SCAPER: variants seen among roughly 807,000 people sequenced by gnomAD.
The protein encoded by SCAPER is S-phase cyclin A associated protein in the ER.
Under a neutral mutation model 182.2 loss-of-function variants are expected in SCAPER, and 98 were observed. The ratio of observed to expected loss-of-function variants is 0.54; its 90% CI spans 0.46 to 0.64. SCAPER has a LOEUF of 0.64. SCAPER is among the 30% of genes least tolerant of loss of function. SCAPER has a pLI of 0.00. For missense variants in SCAPER, 1,432 were observed against 1,690.0 expected (o/e 0.85, Z 2.68); for synonymous variants, 605 against 564.6 (o/e 1.07, Z -1.01).
intron 27 of SCAPER, among the ~76,000 whole-genome samples, chr15:76,387,316 C>T (rs903991997): frequency 6.6e-6 from 1 of 152,170 alleles, no homozygotes; most frequent in Admixed American, 6.5e-5. Flanking sequence ...ACAGTGGAGA[C>T]AGTGGATTGG....
At chr15:76,776,023 C>T (rs929956151) in intron 8 of SCAPER, among the ~76,000 whole-genome samples, 2 of 152,046 alleles carry the variant, frequency 1.3e-5, no homozygotes, top group African/African-American at 4.8e-5. Context: ...TCGGGCCCTC[C>T]ATCTTACAAT....
intron 22 of SCAPER, among the ~76,000 whole-genome samples, chr15:76,615,035 T>C (rs2083762): frequency 0.46 from 69,825 of 151,954 alleles, 17,766 homozygotes; most frequent in Middle Eastern, 0.63. Flanking sequence ...GACCACTTCC[T>C]AGAAACCCAA....
chr15:76,808,003 A>T (rs895741698), intron 5 of SCAPER, among the ~76,000 whole-genome samples: 3 of 152,152 alleles, frequency 2.0e-5, no homozygotes, highest in African/African-American at 7.2e-5. Context: ...AGAATTTTAG[A>T]TACCTACATC....
intron 30 of SCAPER, among the ~76,000 whole-genome samples, chr15:76,352,744 C>A (rs1441816785): frequency 3.9e-5 from 6 of 152,054 alleles, no homozygotes; most frequent in African/African-American, 1.5e-4. Flanking sequence ...GCCACCACAC[C>A]TGGTCCATAA....
At chr15:76,805,100 C>A (rs940511536) in intron 5 of SCAPER, among the ~76,000 whole-genome samples, 2 of 152,056 alleles carry the variant, frequency 1.3e-5, no homozygotes, top group African/African-American at 4.8e-5. Context: ...CACCTGGTAG[C>A]GTGTATCAGT....
At chr15:76,460,488 T>C (rs960723416) in intron 25 of SCAPER, among the ~76,000 whole-genome samples, 1 of 152,166 alleles carries the variant, frequency 6.6e-6, no homozygotes, top group African/African-American at 2.4e-5. Context: ...TATAAGATCA[T>C]GCCAACTGCA....
Position 76,829,024 on chromosome 15 carries a change from C to A in SCAPER, c.393+12710G>T, listed in dbSNP as rs563533333. Among the ~76,000 whole-genome samples, 64 of 152,234 alleles carry A rather than the reference C, an allele frequency of 4.2e-4. No individual in the cohort carries two copies. The South Asian group carries it at 0.013, about 31-fold the overall frequency. On this transcript the variant is annotated intron_variant, in intron 5 of 31. Coordinates refer to ENST00000563290, the MANE Select transcript of SCAPER (RefSeq NM_020843.4). ...ATGCACATGCATGTTTATAGCAGCA[C>A]AATTCACAATTTCAAAAATTTGAAA...
chr15:76,905,146 C>G (rs575897662), intron 1 of SCAPER, 153 bp downstream of exon 1: 1 of 156,004 alleles, frequency 6.4e-6, no homozygotes, highest in Non-Finnish European at 1.5e-5. Flanking sequence ...ATCCCTGCCC[C>G]GCTCAACTCG....
chr15:76,789,238 A>G (rs1333969180), intron 8 of SCAPER, among the ~76,000 whole-genome samples: 1 of 152,176 alleles, frequency 6.6e-6, no homozygotes, highest in Non-Finnish European at 1.5e-5. Flanking sequence ...TATAATGTAA[A>G]TTAAAACAAA....
Position 76,504,863 on chromosome 15 carries a change from G to A in SCAPER, c.2950C>T (p.Pro984Ser). 1.2e-6 allele frequency: 2 copies of A among 1,605,138 alleles called. No homozygotes were observed. Among genetic ancestry groups the A allele is most frequent in the South Asian group, 2.2e-5 (2 of 88,968 alleles). Reference protein sequence around the residue: ...TNVNTVLRIPPKSLCNAINVY... With the variant: ...TNVNTVLRIPSKSLCNAINVY... ...AGATTAAGAAACTATACTTACTTAG[G>A]AGGAATTCTTAAAACTGTGTTCACA... Residue 984 changes from proline (P) to serine (S), a missense_variant, in exon 24 of 32, where the codon CCT (proline) becomes TCT (serine). By Grantham distance (74) the Pro-to-Ser change is moderately conservative. Around this residue, in one of 5 missense-constraint regions of SCAPER, gnomAD observed 718 missense variants for 799.7 expected, o/e 0.90. Coordinates refer to ENST00000563290, the MANE Select transcript of SCAPER (RefSeq NM_020843.4).
chr15:76,575,108 G>A (rs893300879), intron 22 of SCAPER, among the ~76,000 whole-genome samples: 4 of 152,046 alleles, frequency 2.6e-5, no homozygotes, highest in Admixed American at 6.6e-5. Flanking sequence ...AACCCCAGCC[G>A]TGGTAATAAT....
At chr15:76,503,841 G>T (rs932080423) in intron 24 of SCAPER, among the ~76,000 whole-genome samples, 1 of 151,484 alleles carries the variant, frequency 6.6e-6, no homozygotes, top group African/African-American at 2.4e-5. Context: ...CATACTCTTG[G>T]AATTTTTTTT....
intron 27 of SCAPER, among the ~76,000 whole-genome samples, chr15:76,392,444 A>G (rs2043761514): frequency 6.6e-6 from 1 of 152,148 alleles, no homozygotes; most frequent in Non-Finnish European, 1.5e-5. Context: ...TTGAAAACCT[A>G]AAGAACCAGG....
At chr15:76,627,353 C>CT (rs2052681585) in intron 21 of SCAPER, among the ~76,000 whole-genome samples, 1 of 151,974 alleles carries the variant, frequency 6.6e-6, no homozygotes, top group Admixed American at 6.6e-5. Flanking sequence ...ATCCATGAAT[C>CT]TTTTTTTCCA....
intron 24 of SCAPER, among the ~76,000 whole-genome samples, chr15:76,484,943 A>G (rs1034787184): frequency 2.6e-5 from 4 of 152,196 alleles, no homozygotes; most frequent in African/African-American, 9.7e-5. Context: ...ACCCACAGCC[A>G]TCATACTGAA....
intron 5 of SCAPER, among the ~76,000 whole-genome samples, chr15:76,822,542 A>G (rs571114272): frequency 2.6e-5 from 4 of 152,326 alleles, no homozygotes; most frequent in Admixed American, 1.3e-4. Context: ...TTCCAAAGAT[A>G]AATTTTAAAT....
At chr15:76,541,114 C>T (rs1384502226) in intron 23 of SCAPER, among the ~76,000 whole-genome samples, 2 of 149,812 alleles carry the variant, frequency 1.3e-5, no homozygotes, top group East Asian at 1.9e-4. Flanking sequence ...GGCAAGACTC[C>T]GTCTCAAAAA....
chr15:76,359,013 G>C (rs145596780), intron 29 of SCAPER, among the ~76,000 whole-genome samples: 2,095 of 152,336 alleles, frequency 0.014, 22 homozygotes, highest in Non-Finnish European at 0.022. Flanking sequence ...TATAAAATGA[G>C]GGTAGATGGT....
rs16968427 is a variant in SCAPER at position 76,677,943 on chromosome 15, T to C, written c.2509-12154A>G. 3.8e-3 allele frequency among the ~76,000 whole-genome samples: 571 copies of C among 152,062 alleles called. 15 individuals carry two copies. The East Asian group carries it at 0.05, about 13-fold the overall frequency. On this transcript the variant is annotated intron_variant, in intron 20 of 31. Coordinates refer to ENST00000563290, the MANE Select transcript of SCAPER (RefSeq NM_020843.4). ...CTAAAAATAGAATAGGCAGGAAATA[T>C]AAATGACACAACACAGAATTTCATT...
Sources: allele counts gnomAD v4.1 joint callset (sites outside exome capture counted in the v4.1 genomes callset), GRCh38; gene constraint gnomAD v4.1.1; regional missense constraint gnomAD v4.1.1; transcripts MANE v1.5; gene names NCBI Gene and HGNC (gene_info 2026-07-23, HGNC 2026-07-21).